The following CSMD3 variants were observed in gnomAD, a reference collection of about 807,000 sequenced individuals.
The protein encoded by CSMD3 is CUB and sushi domain-containing protein 3.
A neutral mutation model predicts 435.2 loss-of-function variants in CSMD3; 177 were observed. The observed-to-expected ratio is 0.41, with a 90% CI of 0.36 to 0.46. The LOEUF (loss-of-function observed/expected upper bound fraction) is 0.46. Ranked by LOEUF, CSMD3 falls within the 20% of genes least tolerant of loss-of-function variation. The pLI is 0.34. For missense variants in CSMD3, 4,265 were observed against 4,504.6 expected (o/e 0.95, Z 1.52); for synonymous variants, 1,656 against 1,520.5 (o/e 1.09, Z -2.07).
At chr8:112,525,538 G>C (rs889305666) in intron 27 of CSMD3, among the ~76,000 whole-genome samples, 4 of 148,656 alleles carry the variant, frequency 2.7e-5, no homozygotes, top group African/African-American at 9.8e-5. Flanking sequence ...GGCTAACATG[G>C]TGAAACCCCG....
intron 13 of CSMD3, among the ~76,000 whole-genome samples, chr8:112,777,339 T>G (rs1185376654): frequency 6.6e-6 from 1 of 151,862 alleles, no homozygotes; most frequent in Non-Finnish European, 1.5e-5. Context: ...TTATAGCTTG[T>G]GTTGTTTGAA....
At position 112,292,655 on chromosome 8, in the gene CSMD3, C is replaced by T. The variant is rs944219703; in HGVS notation, c.8670G>A (p.Gly2890=). The T allele has an allele frequency of 3.1e-6, 5 of 1,613,712 alleles. No individual in the cohort carries two copies. Among genetic ancestry groups the T allele is most frequent in the Middle Eastern group, 3.3e-4 (2 of 6,060 alleles). Residue 2890 remains glycine, a synonymous_variant, in exon 55 of 71, where the codon GGG becomes GGA. Transcript: ENST00000297405. ...SPIYGRTSGN[G]FNFNDVVTFS... ...ATGTTACCACATCATTAAAGTTGAA[C>T]CCATTTCCACTTGTTCTTCCATAAA... is the stretch of plus-strand genomic sequence containing the variant.
intron 3 of CSMD3, among the ~76,000 whole-genome samples, chr8:113,217,871 C>G (rs888136956): frequency 2.7e-5 from 4 of 150,612 alleles, no homozygotes; most frequent in African/African-American, 9.7e-5. Context: ...TTTAGTAAAC[C>G]TCCAATAGGA....
chr8:112,776,859 G>A lies in CSMD3; in HGVS notation c.1972+23303C>T, dbSNP rs369073299. Among the ~76,000 whole-genome samples, 17 of 151,734 alleles carry A rather than the reference G, an allele frequency of 1.1e-4. 1 individual carries two copies. In the East Asian group the frequency reaches 2.7e-3, roughly 24 times the overall value. ...GTAAGGAATTTTAGTTGATTCACTCGTGTGTAAAGATTAACAATAAATATA... is the reference window on the plus strand; with the variant it reads ...GTAAGGAATTTTAGTTGATTCACTCATGTGTAAAGATTAACAATAAATATA... On this transcript the variant is annotated intron_variant, in intron 13 of 70. Coordinates refer to ENST00000297405, the MANE Select transcript of CSMD3 (RefSeq NM_198123.2).
At position 112,637,340 on chromosome 8, in the gene CSMD3, G is replaced by C. The variant is rs551387271; in HGVS notation, c.3527-335C>G. Among the ~76,000 whole-genome samples, 20 of 152,168 alleles carry C rather than the reference G, an allele frequency of 1.3e-4. 1 individual carries two copies. In the South Asian group the frequency reaches 4.1e-3, roughly 32 times the overall value. On this transcript the variant is annotated intron_variant, in intron 21 of 70. Transcript: ENST00000297405. The stretch of plus-strand genomic sequence containing the variant: ...CATATATTTTCGACTTACGGCATAA[G>C]AACTGCATATTTTCAAACACAAAAT...
At chr8:112,699,008 T>C (rs1328852101) in intron 13 of CSMD3, among the ~76,000 whole-genome samples, 2 of 151,942 alleles carry the variant, frequency 1.3e-5, no homozygotes, top group Admixed American at 1.3e-4. Flanking sequence ...CAATCAGCAC[T>C]CTATAAAATG....
intron 29 of CSMD3, among the ~76,000 whole-genome samples, chr8:112,505,184 C>T (rs1189945165): frequency 6.6e-6 from 1 of 151,982 alleles, no homozygotes; most frequent in Non-Finnish European, 1.5e-5. Flanking sequence ...TATATGGGCC[C>T]CTCTAACGTG....
chr8:112,586,560 C>T (rs1830746294), intron 23 of CSMD3, among the ~76,000 whole-genome samples: 1 of 151,070 alleles, frequency 6.6e-6, no homozygotes, highest in South Asian at 2.1e-4. Flanking sequence ...AATTGATAGA[C>T]ATTGACTTGT....
At chr8:112,412,163 G>C (rs1811420065) in intron 32 of CSMD3, among the ~76,000 whole-genome samples, 1 of 151,582 alleles carries the variant, frequency 6.6e-6, no homozygotes, top group African/African-American at 2.4e-5. Context: ...TATTTAACTG[G>C]GAGTTAAATA....
chr8:113,338,440 C>G (rs1440361429), intron 1 of CSMD3, among the ~76,000 whole-genome samples: 3 of 151,880 alleles, frequency 2.0e-5, no homozygotes, highest in Non-Finnish European at 4.4e-5. Flanking sequence ...TACGAATGTT[C>G]ATAGTAGCAT....
At chr8:113,310,619 T>A (rs188866708) in intron 2 of CSMD3, 3 of 151,934 alleles carry the variant, frequency 2.0e-5, no homozygotes, top group African/African-American at 7.2e-5. Context: ...ATGTAAATAA[T>A]CAAATTAAGA....
At chr8:112,469,706 G>A (rs1019450040) in intron 32 of CSMD3, among the ~76,000 whole-genome samples, 1 of 152,140 alleles carries the variant, frequency 6.6e-6, no homozygotes, top group Admixed American at 6.5e-5. Flanking sequence ...AGTAATGATA[G>A]CTCACCTGCC....
intron 3 of CSMD3, among the ~76,000 whole-genome samples, chr8:113,220,372 T>C (rs1416738222): frequency 1.3e-5 from 2 of 151,418 alleles, no homozygotes; most frequent in Non-Finnish European, 1.5e-5. Flanking sequence ...TAGGAAGTTA[T>C]GAAGTTTAGT....
intron 4 of CSMD3, among the ~76,000 whole-genome samples, chr8:113,137,364 T>C: frequency 6.6e-6 from 1 of 151,772 alleles, no homozygotes; most frequent in African/African-American, 2.4e-5. Flanking sequence ...TGTTATTGAA[T>C]TTATATGTTT....
chr8:112,341,432 T>C (rs375306448), intron 42 of CSMD3, 45 bp downstream of exon 42: 210 of 1,182,276 alleles, frequency 1.8e-4, no homozygotes, highest in Non-Finnish European at 2.4e-4. Context: ...TTCTAATAGC[T>C]GATTTGGGGT....
intron 37 of CSMD3, among the ~76,000 whole-genome samples, chr8:112,381,676 A>T (rs1761180784): frequency 6.6e-6 from 1 of 152,230 alleles, no homozygotes; most frequent in African/African-American, 2.4e-5. Context: ...GATAACAGCA[A>T]CCACTGAAGA....
intron 24 of CSMD3, among the ~76,000 whole-genome samples, chr8:112,570,306 G>C (rs765625256): frequency 1.9e-4 from 29 of 152,162 alleles, no homozygotes; most frequent in Non-Finnish European, 3.4e-4. Flanking sequence ...TGCTATGAAG[G>C]AAAATAGCGT....
intron 13 of CSMD3, among the ~76,000 whole-genome samples, chr8:112,729,488 A>T (rs113586242): frequency 0.019 from 2,928 of 152,150 alleles, 54 homozygotes; most frequent in Middle Eastern, 0.048. Context: ...TGAAACAAAG[A>T]TTTTTGCTGT....
chr8:113,069,925 T>C (rs1317920155), intron 5 of CSMD3, among the ~76,000 whole-genome samples: 1 of 152,098 alleles, frequency 6.6e-6, no homozygotes, highest in Non-Finnish European at 1.5e-5. Flanking sequence ...TAAAAGGCAG[T>C]TGCCCAAGAG....
Sources: allele counts gnomAD v4.1 joint callset (sites outside exome capture counted in the v4.1 genomes callset), GRCh38; gene constraint gnomAD v4.1.1; transcripts MANE v1.5; gene names NCBI Gene and HGNC (gene_info 2026-07-23, HGNC 2026-07-21).